CNEP1R1: variants seen among roughly 807,000 people sequenced by gnomAD.
CNEP1R1 encodes the protein nuclear envelope phosphatase-regulatory subunit 1.
A neutral mutation model predicts 22.7 loss-of-function variants in CNEP1R1; 10 were observed. The observed-to-expected ratio is 0.44, with a 90% CI of 0.27 to 0.75. The LOEUF (loss-of-function observed/expected upper bound fraction) is 0.75. Among genes scored for constraint, CNEP1R1 ranks in the 30% least tolerant of loss-of-function variants. The pLI is 0.17. For missense variants in CNEP1R1, 73 were observed against 151.5 expected (o/e 0.48, Z 2.72); for synonymous variants, 53 against 50.1 (o/e 1.06, Z -0.25).
At chr16:50,026,524 T>C in intron 2 of CNEP1R1, 57 bp downstream of exon 2, 1 of 1,235,800 alleles carries the variant, frequency 8.1e-7, no homozygotes. Flanking sequence ...TTTATCCTAA[T>C]ATAGGAATGA....
chr16:50,032,367 C>T (rs570358931), intron 3 of CNEP1R1, among the ~76,000 whole-genome samples: 9 of 152,188 alleles, frequency 5.9e-5, no homozygotes, highest in Non-Finnish European at 8.8e-5. Context: ...TGTGGATTGT[C>T]CTGTTTTCTG....
At chr16:50,027,927 ATGC>A (rs1320152858) in intron 2 of CNEP1R1, among the ~76,000 whole-genome samples, 1 of 152,140 alleles carries the variant, frequency 6.6e-6, no homozygotes, top group Non-Finnish European at 1.5e-5. Context: ...ATCAAACAAA[ATGC>A]TTTGTTAATA....
chr16:50,035,594 T>A lies in CNEP1R1; in HGVS notation c.*136T>A. 1.6e-6 allele frequency: 1 copy of A among 624,234 alleles called. No individual in the cohort carries two copies. The highest frequency in any genetic ancestry group is 2.8e-6 in the Non-Finnish European group (1 of 355,636). The allele number at this position is 624,234 out of a possible 1,614,324, so 38.7% of individuals were successfully genotyped here. A position where few individuals can be genotyped will look rare whatever the true frequency, so the allele number is the denominator to read the frequency against. On this transcript the variant is annotated 3_prime_UTR_variant, in exon 6 of 6. Coordinates refer to ENST00000427478, the MANE Select transcript of CNEP1R1 (RefSeq NM_001281789.2). ...GCAACTGACAAGAAGTGTGCAATAT[T>A]TACCTGGATTATCTTGATGATGGTG... is the stretch of plus-strand genomic sequence containing the variant.
In CNEP1R1 at chr16:50,035,625, T is replaced by A. The variant is rs527312214; in HGVS notation, c.*167T>A. On this transcript the variant is annotated 3_prime_UTR_variant, in exon 6 of 6. Coordinates refer to ENST00000427478, the MANE Select transcript of CNEP1R1 (RefSeq NM_001281789.2). ...GGATTATCTTGATGATGGTGACTCATTATCAGTGCTTTGGTACTTTTGATT... is the reference window on the plus strand; with the variant it reads ...GGATTATCTTGATGATGGTGACTCAATATCAGTGCTTTGGTACTTTTGATT... The A allele has an allele frequency of 9.8e-4, 556 of 569,336 alleles. 1 individual carries two copies. The Middle Eastern group carries it at 0.012, about 12-fold the overall frequency. 35.3% of individuals were successfully genotyped at this position (569,336 alleles called of 1,614,324 possible).
At chr16:50,035,350 A>G in intron 5 of CNEP1R1, 67 bp from the exon 6 acceptor site, 2 of 877,166 alleles carry the variant, frequency 2.3e-6, no homozygotes, top group Non-Finnish European at 3.8e-6. Flanking sequence ...TTTAAGGTTT[A>G]TAAATAAGCA....
Position 50,033,393 on chromosome 16 carries a change from A to T in CNEP1R1, c.172-4A>T. On this transcript the variant is annotated splice_polypyrimidine_tract_variant and splice_region_variant and intron_variant, in intron 3 of 5. Transcript: ENST00000427478. ...TTTTTATATTTTCATCTCTTCTTTT[A>T]CAGGTGTCCTTCTTCACATCATTAT... The T allele has an allele frequency of 1.3e-6, 2 of 1,481,990 alleles. No individual in the cohort carries two copies. The highest frequency in any genetic ancestry group is 1.9e-6 in the Non-Finnish European group (2 of 1,065,552). 91.8% of individuals were successfully genotyped at this position (1,481,990 alleles called of 1,614,324 possible).
chr16:50,025,312 C>T lies in CNEP1R1; in HGVS notation c.-4C>T. On this transcript the variant is annotated 5_prime_UTR_variant, in exon 1 of 6. Transcript: ENST00000427478. Reference sequence around the variant, plus strand: ...AGCGGCGGTGACCCGAGCTGCCGCCCGACATGAACTCGCTGGAGCAGGCGG... The same window carrying T: ...AGCGGCGGTGACCCGAGCTGCCGCCTGACATGAACTCGCTGGAGCAGGCGG... 1.4e-6 allele frequency: 2 copies of T among 1,430,508 alleles called. No homozygotes were observed. The highest frequency in any genetic ancestry group is 1.5e-5 in the South Asian group (1 of 67,746). The allele number at this position is 1,430,508 out of a possible 1,614,324, so 88.6% of individuals were successfully genotyped here. A position where few individuals can be genotyped will look rare whatever the true frequency, so the allele number is the denominator to read the frequency against.
intron 2 of CNEP1R1, among the ~76,000 whole-genome samples, chr16:50,027,018 T>C (rs2036190543): frequency 6.6e-6 from 1 of 152,096 alleles, no homozygotes; most frequent in Non-Finnish European, 1.5e-5. Flanking sequence ...ATTATTACAG[T>C]TTTGATAAAG....
Position 50,036,731 on chromosome 16 carries a change from T to C in CNEP1R1, c.*1273T>C, listed in dbSNP as rs184726506. The C allele has an allele frequency of 5.1e-4, 78 of 152,784 alleles. 2 individuals carry two copies. The highest frequency in any genetic ancestry group is 1.5e-3 in the Admixed American group (23 of 15,300). The allele number at this position is 152,784 out of a possible 1,614,324, so 9.5% of individuals were successfully genotyped here. ...CATGTACTATAATAGCCCTTAAAAT[T>C]AAACTATTGGGATTGCTGTAAATAT... On this transcript the variant is annotated 3_prime_UTR_variant, in exon 6 of 6. Transcript: ENST00000427478.
chr16:50,033,910 G>A (rs554671082), intron 4 of CNEP1R1, among the ~76,000 whole-genome samples, 192 bp from the exon 5 acceptor site: 1 of 145,112 alleles, frequency 6.9e-6, no homozygotes, highest in Non-Finnish European at 1.5e-5. Context: ...TTGAGACAGA[G>A]TCTTGCTCTG....
At chr16:50,026,676 T>TA in intron 2 of CNEP1R1, 1 of 547,786 alleles carries the variant, frequency 1.8e-6, no homozygotes, top group Non-Finnish European at 3.2e-6. Flanking sequence ...GTTTTTCCAT[T>TA]AAAAAACATA....
intron 2 of CNEP1R1, among the ~76,000 whole-genome samples, 193 bp from the exon 3 acceptor site, chr16:50,029,532 A>G (rs1166891872): frequency 2.0e-5 from 3 of 152,234 alleles, no homozygotes; most frequent in Non-Finnish European, 4.4e-5. Context: ...ATCCTTAATT[A>G]CTAAGGTTCA....
chr16:50,025,432 G>T, intron 1 of CNEP1R1, 92 bp downstream of exon 1: 1 of 1,315,552 alleles, frequency 7.6e-7, no homozygotes, highest in Non-Finnish European at 1.0e-6. Context: ...CCCGCCCCGG[G>T]AGGAGGCCGC....
At position 50,026,384 on chromosome 16, in the gene CNEP1R1, C is replaced by A; in HGVS notation, c.26-12C>A. The stretch of plus-strand genomic sequence containing the variant: ...GAGTGGCTAATTAGAAAATTGACAT[C>A]TTTATACCTAGATCTCAAGGCTTTT... On this transcript the variant is annotated splice_polypyrimidine_tract_variant and intron_variant, in intron 1 of 5. Coordinates refer to ENST00000427478, the MANE Select transcript of CNEP1R1 (RefSeq NM_001281789.2). The A allele has an allele frequency of 6.3e-7, 1 of 1,594,394 alleles. No homozygotes were observed. The highest frequency in any genetic ancestry group is 1.1e-5 in the South Asian group (1 of 88,622).
chr16:50,029,626 T>A, intron 2 of CNEP1R1, 99 bp from the exon 3 acceptor site: 1 of 664,580 alleles, frequency 1.5e-6, no homozygotes, highest in Non-Finnish European at 2.6e-6. Flanking sequence ...TTTAATAAAG[T>A]GCTATATTCT....
At chr16:50,034,917 A>G (rs747095812) in intron 5 of CNEP1R1, among the ~76,000 whole-genome samples, 3 of 152,192 alleles carry the variant, frequency 2.0e-5, no homozygotes, top group Non-Finnish European at 2.9e-5. Context: ...ATTAAAAACT[A>G]TCATGTACCA....
chr16:50,035,587 G>C lies in CNEP1R1; in HGVS notation c.*129G>C. On this transcript the variant is annotated 3_prime_UTR_variant, in exon 6 of 6. Transcript: ENST00000427478. ...CATAGCAGCAACTGACAAGAAGTGT[G>C]CAATATTTACCTGGATTATCTTGAT... The C allele has an allele frequency of 1.5e-6, 1 of 648,826 alleles. No homozygotes were observed. The highest frequency in any genetic ancestry group is 2.7e-6 in the Non-Finnish European group (1 of 372,220). 40.2% of individuals were successfully genotyped at this position (648,826 alleles called of 1,614,324 possible). A position where few individuals can be genotyped will look rare whatever the true frequency, so the allele number is the denominator to read the frequency against.
intron 5 of CNEP1R1, chr16:50,034,511 T>C (rs2041920): frequency 0.67 from 191,552 of 284,088 alleles, 66,559 homozygotes; most frequent in South Asian, 0.73. Context: ...ACTACTGTTA[T>C]TTATCAAGTG....
At chr16:50,025,635 C>T in intron 1 of CNEP1R1, 3 of 1,612,030 alleles carry the variant, frequency 1.9e-6, no homozygotes, top group Non-Finnish European at 2.5e-6. Flanking sequence ...TAATTCATTT[C>T]ATTTCATTCT....
Sources: allele counts gnomAD v4.1 joint callset (sites outside exome capture counted in the v4.1 genomes callset), GRCh38; gene constraint gnomAD v4.1.1; transcripts MANE v1.5; gene names NCBI Gene and HGNC (gene_info 2026-07-23, HGNC 2026-07-21).